Variants in CAPS2 observed in about 807,000 individuals in gnomAD.
CAPS2 encodes calcyphosine 2, also known as calcyphosin-2.
CAPS2 carries 98 observed loss-of-function variants against 86.5 expected under a neutral mutation model. The ratio of observed to expected loss-of-function variants is 1.13; its 90% CI spans 0.96 to 1.34. The LOEUF (loss-of-function observed/expected upper bound fraction) is 1.34. Ranked by LOEUF, CAPS2 falls within the 40% of genes most tolerant of loss-of-function variation. The probability of loss-of-function intolerance (pLI) is 0.00; values close to 1 mark genes in which losing one functional copy is unlikely to be tolerated. For missense variants in CAPS2, 729 were observed against 686.8 expected (o/e 1.06, Z -0.69); for synonymous variants, 210 against 225.1 (o/e 0.93, Z 0.60).
intron 9 of CAPS2, 68 bp downstream of exon 9, chr12:75,299,769 T>A (rs1420319708): frequency 5.2e-6 from 4 of 763,398 alleles, no homozygotes; most frequent in Non-Finnish European, 8.7e-6. Context: ...ATTACTGTCA[T>A]TTCTATTCAA....
intron 7 of CAPS2, chr12:75,306,012 T>G: frequency 6.8e-7 from 1 of 1,460,778 alleles, no homozygotes; most frequent in Non-Finnish European, 9.4e-7. Context: ...CTCATGATCC[T>G]GAGCCTCATT....
chr12:75,281,116 C>G (rs1484550932), intron 16 of CAPS2, among the ~76,000 whole-genome samples: 1 of 151,806 alleles, frequency 6.6e-6, no homozygotes, highest in Non-Finnish European at 1.5e-5. Flanking sequence ...ACCCATCAGA[C>G]TGGCAAAGTG....
exon 17 of CAPS2, chr12:75,278,928 C>G (rs377300939): frequency 1.3e-6 from 2 of 1,599,844 alleles, no homozygotes; most frequent in African/African-American, 2.7e-5. Flanking sequence ...TTAACAAAGT[C>G]TTCATCATCT....
At chr12:75,370,258 C>G in intron 1 of CAPS2, 1 of 749,358 alleles carries the variant, frequency 1.3e-6, no homozygotes, top group Admixed American at 2.2e-5. Flanking sequence ...CATCACTTTG[C>G]TTCTTTACTG....
chr12:75,283,775 C>T (rs1348548870), intron 15 of CAPS2, among the ~76,000 whole-genome samples: 1 of 152,094 alleles, frequency 6.6e-6, no homozygotes, highest in Non-Finnish European at 1.5e-5. Flanking sequence ...GATCACACCA[C>T]TGCCCTCCAG....
intron 12 of CAPS2, 55 bp downstream of exon 12, chr12:75,293,194 T>C: frequency 9.8e-7 from 1 of 1,025,592 alleles, no homozygotes; most frequent in Non-Finnish European, 1.5e-6. Context: ...TTTAAGATAA[T>C]TTAAAAATAG....
intron 12 of CAPS2, among the ~76,000 whole-genome samples, chr12:75,292,085 G>C (rs2036065838): frequency 6.6e-6 from 1 of 151,992 alleles, no homozygotes; most frequent in South Asian, 2.1e-4. Context: ...GTTTGTTTTT[G>C]AGACAGAGTC....
intron 1 of CAPS2, among the ~76,000 whole-genome samples, chr12:75,347,036 C>T (rs998424126): frequency 4.0e-5 from 6 of 151,402 alleles, no homozygotes; most frequent in African/African-American, 1.5e-4. Context: ...CCATAGAAGT[C>T]TTCTTCCTTT....
chr12:75,330,788 C>CT (rs112092989), upstream of CAPS2, among the ~76,000 whole-genome samples: 1,089 of 141,018 alleles, frequency 7.7e-3, 6 homozygotes, highest in South Asian at 0.016. Context: ...TATTCTTTGC[C>CT]TTTTTTTTTT....
intron 1 of CAPS2, chr12:75,343,614 CTTAG>C (rs1315259208): frequency 4.3e-5 from 47 of 1,099,068 alleles, no homozygotes; most frequent in Non-Finnish European, 5.3e-5. Context: ...TTAAGCAAAA[CTTAG>C]TTGATTACAA....
At chr12:75,349,800 A>G (rs1362406949) in intron 1 of CAPS2, among the ~76,000 whole-genome samples, 1 of 152,228 alleles carries the variant, frequency 6.6e-6, no homozygotes, top group East Asian at 1.9e-4. Context: ...CTTGAGAAAC[A>G]GAGCAAGACC....
intron 16 of CAPS2, among the ~76,000 whole-genome samples, chr12:75,280,992 G>T (rs1045799441): frequency 1.3e-5 from 2 of 151,824 alleles, no homozygotes; most frequent in Non-Finnish European, 2.9e-5. Flanking sequence ...AAAAGAAATT[G>T]CTCATAAAAT....
chr12:75,323,291 G>A (rs1231235242), intron 2 of CAPS2, 69 bp from the exon 4 acceptor site: 2 of 1,258,954 alleles, frequency 1.6e-6, no homozygotes, highest in Admixed American at 2.2e-5. Flanking sequence ...AATCTTATAT[G>A]TTACATGTTT....
At chr12:75,322,332 G>A (rs1488559626) in intron 4 of CAPS2, among the ~76,000 whole-genome samples, 4 of 152,104 alleles carry the variant, frequency 2.6e-5, no homozygotes, top group Non-Finnish European at 4.4e-5. Flanking sequence ...TATTGACCTA[G>A]GGAGGGACAG....
chr12:75,311,155 C>T (rs943999789), intron 7 of CAPS2, among the ~76,000 whole-genome samples: 1 of 152,118 alleles, frequency 6.6e-6, no homozygotes, highest in Admixed American at 6.5e-5. Context: ...AATGGATTAA[C>T]TACGGGGTGC....
chr12:75,340,264 G>T (rs2042015732), intron 1 of CAPS2, among the ~76,000 whole-genome samples: 1 of 148,476 alleles, frequency 6.7e-6, no homozygotes, highest in Non-Finnish European at 1.5e-5. Flanking sequence ...CTATAAACAT[G>T]TGTGTGCTAG....
At chr12:75,355,291 A>G (rs1313366329) in intron 1 of CAPS2, among the ~76,000 whole-genome samples, 2 of 151,628 alleles carry the variant, frequency 1.3e-5, no homozygotes, top group East Asian at 3.9e-4. Context: ...AAAACAAAAA[A>G]TCATTCAAAA....
At chr12:75,287,257 C>T (rs1412760888) in intron 14 of CAPS2, among the ~76,000 whole-genome samples, 3 of 151,916 alleles carry the variant, frequency 2.0e-5, no homozygotes, top group African/African-American at 7.3e-5. Context: ...CCTTCTCCTG[C>T]CCTTCTTTCA....
upstream of CAPS2, among the ~76,000 whole-genome samples, chr12:75,327,605 C>T (rs893426806): frequency 1.8e-4 from 28 of 151,686 alleles, no homozygotes; most frequent in Non-Finnish European, 3.5e-4. Flanking sequence ...TGGCATCCTG[C>T]CAGCTTGGAA....
Sources: allele counts gnomAD v4.1 joint callset (sites outside exome capture counted in the v4.1 genomes callset), GRCh38; gene constraint gnomAD v4.1.1; transcripts MANE v1.5; gene names NCBI Gene and HGNC (gene_info 2026-07-23, HGNC 2026-07-21).